PKD1L1: variants seen among roughly 807,000 people sequenced by gnomAD.
PKD1L1 encodes the protein polycystin 1 like 1, transient receptor potential channel interacting, also known as polycystin-1-like protein 1.
Under a neutral mutation model 323.4 loss-of-function variants are expected in PKD1L1, and 236 were observed. The ratio of observed to expected loss-of-function variants is 0.73; its 90% CI spans 0.66 to 0.81. The LOEUF (loss-of-function observed/expected upper bound fraction) is 0.81, where lower values mean the gene tolerates loss of function less well. Among genes scored for constraint, PKD1L1 ranks in the 40% least tolerant of loss-of-function variants. The pLI, the probability that PKD1L1 is intolerant of heterozygous loss-of-function variation, is 0.00. For missense variants in PKD1L1, 3,320 were observed against 3,508.0 expected (o/e 0.95, Z 1.35); for synonymous variants, 1,344 against 1,335.0 (o/e 1.01, Z -0.15).
chr7:47,893,229 CAAAAAAAAAAAA>C (rs529686945), intron 15 of PKD1L1, among the ~76,000 whole-genome samples: 2 of 52,994 alleles, frequency 3.8e-5, no homozygotes, highest in Admixed American at 4.2e-4. Flanking sequence ...GACCCTATCT[CAAAAAAAAAAAA>C]AAAAAAAAAA....
At chr7:47,788,321 A>G (rs968056716) in intron 56 of PKD1L1, among the ~76,000 whole-genome samples, 1 of 149,236 alleles carries the variant, frequency 6.7e-6, no homozygotes, top group African/African-American at 2.4e-5. Context: ...TATTTTATTT[A>G]TTCTATTGCC....
chr7:47,935,145 CA>C (rs1261346620), intron 4 of PKD1L1, among the ~76,000 whole-genome samples: 1 of 152,222 alleles, frequency 6.6e-6, no homozygotes, highest in Non-Finnish European at 1.5e-5. Flanking sequence ...GCTAATTGAA[CA>C]GTTACTTACA....
the PKD1L1 span, among the ~76,000 whole-genome samples, chr7:47,959,598 A>C: frequency 3.5e-5 from 4 of 115,142 alleles, no homozygotes; most frequent in Admixed American, 8.9e-5. Context: ...ACTGCCCCAT[A>C]TGAGAAGTGA....
intron 7 of PKD1L1, among the ~76,000 whole-genome samples, chr7:47,918,517 A>C (rs1471162261): frequency 6.6e-6 from 1 of 152,142 alleles, no homozygotes; most frequent in African/African-American, 2.4e-5. Context: ...GAACAAATGG[A>C]CTTAACAGAT....
At chr7:47,932,255 CT>C (rs1354134027) in intron 4 of PKD1L1, among the ~76,000 whole-genome samples, 199 bp from the exon 5 acceptor site, 1 of 152,198 alleles carries the variant, frequency 6.6e-6, no homozygotes, top group Admixed American at 6.5e-5. Context: ...ACCAGCGGGG[CT>C]GCTGCAGGCA....
At chr7:47,889,774 T>C (rs771814227) in intron 16 of PKD1L1, among the ~76,000 whole-genome samples, 6 of 152,096 alleles carry the variant, frequency 3.9e-5, no homozygotes, top group East Asian at 3.9e-4. Flanking sequence ...AGGTGACATA[T>C]AGGGCTATGG....
chr7:47,839,721 CA>C lies in PKD1L1; in HGVS notation c.5553-60del, dbSNP rs1785530993. ...GGGTGACAGTGTGGTCCTGGCATCCCATCAGCCCCAATGCTCACCCTCAAGG... is the reference window on the plus strand; with the variant it reads ...GGGTGACAGTGTGGTCCTGGCATCCCTCAGCCCCAATGCTCACCCTCAAGG... On this transcript the variant is annotated intron_variant, in intron 35 of 56. Coordinates refer to ENST00000289672, the MANE Select transcript of PKD1L1 (RefSeq NM_138295.5). This position sits in a 1 kb window ranked among gnomAD's most constrained non-coding sequence, Gnocchi z 4.3. The C allele has an allele frequency of 6.7e-7, 1 of 1,487,712 alleles. No homozygotes were observed. Among genetic ancestry groups the C allele is most frequent in the African/African-American group, 1.4e-5 (1 of 71,888 alleles). 92.2% of individuals were successfully genotyped at this position (1,487,712 alleles called of 1,614,324 possible).
chr7:47,882,280 TCTTCCCTC>T (rs1192028585), intron 19 of PKD1L1, among the ~76,000 whole-genome samples, 195 bp from the exon 20 acceptor site: 1 of 125,764 alleles, frequency 8.0e-6, no homozygotes, highest in Non-Finnish European at 1.8e-5. Context: ...TCCAAAGGCA[TCTTCCCTC>T]CCTCCCTCCC....
At position 47,903,341 on chromosome 7, in the gene PKD1L1, T is replaced by C. The variant is rs550266192; in HGVS notation, c.1932-830A>G. ...GGTTGTCAGAGCGCCCAGGGCACAC[T>C]CTAGAGATGACAGTGGAGGCACCGA... On this transcript the variant is annotated intron_variant, in intron 12 of 56. Transcript: ENST00000289672. Among the ~76,000 whole-genome samples, 5 of 152,126 alleles carry C rather than the reference T, an allele frequency of 3.3e-5. No homozygotes were observed. The East Asian group carries it at 7.8e-4, about 24-fold the overall frequency.
rs890630472 is a variant in PKD1L1, at chr7:47,805,658, T to A, written c.7828-2314A>T. Among the ~76,000 whole-genome samples, 6 of 152,220 alleles carry A rather than the reference T, an allele frequency of 3.9e-5. No homozygotes were observed. In the East Asian group the frequency reaches 1.2e-3, roughly 29 times the overall value. Reference sequence around the variant, plus strand: ...TACAGGTTCCTGCCTTGAGCACTCCTGGGTCAGGACAATGTGGACCATGTC... The same window carrying A: ...TACAGGTTCCTGCCTTGAGCACTCCAGGGTCAGGACAATGTGGACCATGTC... On this transcript the variant is annotated intron_variant, in intron 52 of 56. Coordinates refer to ENST00000289672, the MANE Select transcript of PKD1L1 (RefSeq NM_138295.5).
the PKD1L1 span, among the ~76,000 whole-genome samples, chr7:47,956,443 TCA>T: frequency 1.3e-5 from 2 of 152,062 alleles, no homozygotes; most frequent in Non-Finnish European, 2.9e-5. Flanking sequence ...AACAAACAAA[TCA>T]CAGAGTGGAC....
intron 20 of PKD1L1, among the ~76,000 whole-genome samples, chr7:47,881,170 A>G (rs746074907): frequency 6.6e-6 from 1 of 152,124 alleles, no homozygotes; most frequent in Non-Finnish European, 1.5e-5. Flanking sequence ...TTTTGAAGCT[A>G]TTTTTAAGTC....
upstream of PKD1L1, chr7:47,948,485 T>C: frequency 6.3e-7 from 1 of 1,594,444 alleles, no homozygotes; most frequent in South Asian, 1.1e-5. Context: ...GCAGACCAGC[T>C]TCTTCCTACA....
chr7:47,798,107 T>C (rs1334803197), intron 54 of PKD1L1, among the ~76,000 whole-genome samples: 3 of 152,176 alleles, frequency 2.0e-5, no homozygotes, highest in African/African-American at 4.8e-5. Flanking sequence ...CTAAAACATA[T>C]TGAAAGGCAA....
At chr7:47,909,375 A>T (rs1787271891) in intron 8 of PKD1L1, among the ~76,000 whole-genome samples, 2 of 152,166 alleles carry the variant, frequency 1.3e-5, no homozygotes. Flanking sequence ...ACCAGGCTCC[A>T]CTGCTCAGAC....
chr7:47,842,828 C>A (rs914882736), intron 34 of PKD1L1, 134 bp downstream of exon 34: 17 of 830,602 alleles, frequency 2.0e-5, no homozygotes, highest in Non-Finnish European at 3.1e-5. Flanking sequence ...AAAGGGCGGG[C>A]AAGCTTTGCC....
intron 2 of PKD1L1, 108 bp from the exon 3 acceptor site, chr7:47,940,425 G>T: frequency 8.5e-7 from 1 of 1,172,512 alleles, no homozygotes; most frequent in Non-Finnish European, 1.2e-6. Flanking sequence ...AAGCCACCTG[G>T]GCCTAACAAC....
In PKD1L1 at chr7:47,839,390, C is replaced by A; in HGVS notation, c.5769+56G>T. The A allele has an allele frequency of 7.0e-7, 1 of 1,435,710 alleles. No individual in the cohort carries two copies. Among genetic ancestry groups the A allele is most frequent in the South Asian group, 1.3e-5 (1 of 79,224 alleles). The allele number at this position is 1,435,710 out of a possible 1,614,324, so 88.9% of individuals were successfully genotyped here. ...GTGGCAAGCGAAGCAGAGACAGGTGCCATGCTCTGCCGGTCAGCCAGGTGC... is the reference window on the plus strand; with the variant it reads ...GTGGCAAGCGAAGCAGAGACAGGTGACATGCTCTGCCGGTCAGCCAGGTGC... On this transcript the variant is annotated intron_variant, in intron 36 of 56. Transcript: ENST00000289672. This position sits in a 1 kb window ranked among gnomAD's most constrained non-coding sequence, Gnocchi z 4.3.
chr7:47,781,134 A>G (rs1786682396), intron 56 of PKD1L1, among the ~76,000 whole-genome samples: 1 of 152,122 alleles, frequency 6.6e-6, no homozygotes. Flanking sequence ...CTTAATTTCC[A>G]GTTCCCTAAC....
Sources: allele counts gnomAD v4.1 joint callset (sites outside exome capture counted in the v4.1 genomes callset), GRCh38; gene constraint gnomAD v4.1.1; non-coding constraint Gnocchi (gnomAD v3.1); transcripts MANE v1.5; gene names NCBI Gene and HGNC (gene_info 2026-07-23, HGNC 2026-07-21).